UBE2J2: variants seen among roughly 807,000 people sequenced by gnomAD.
UBE2J2 encodes ubiquitin conjugating enzyme E2 J2.
In UBE2J2, 5 loss-of-function variants were observed where a neutral mutation model predicts 28.6. The observed-to-expected ratio is 0.17, with a 90% CI of 0.09 to 0.37. The LOEUF is 0.37. UBE2J2 is among the 10% of genes least tolerant of loss of function. The pLI is 1.00. For missense variants in UBE2J2, 226 were observed against 338.9 expected, an observed-to-expected ratio of 0.67 and a Z score of 2.62; for synonymous variants, 138 against 139.7, an observed-to-expected ratio of 0.99 and a Z score of 0.09.
chr1:1,265,842 C>T (rs938389869), intron 2 of UBE2J2, among the ~76,000 whole-genome samples: 1 of 152,074 alleles, frequency 6.6e-6, no homozygotes, highest in African/African-American at 2.4e-5. Context: ...ACCATGTTGG[C>T]CAGGCTGGTC....
At position 1,273,791 on chromosome 1, in the gene UBE2J2, G is replaced by T; in HGVS notation, c.-126C>A. 6.7e-6 allele frequency: 1 copy of T among 150,254 alleles called. No homozygotes were observed. Among genetic ancestry groups the T allele is most frequent in the South Asian group, 1.9e-4 (1 of 5,400 alleles). 9.3% of individuals were successfully genotyped at this position (150,254 alleles called of 1,614,324 possible). A position where few individuals can be genotyped will look rare whatever the true frequency, so the allele number is the denominator to read the frequency against. ...GCACCGCCCCGGGATTGGGCCCACC[G>T]AACCCGCCGCAGCGCCGCCGCCGCC... On this transcript the variant is annotated 5_prime_UTR_variant, in exon 1 of 7. Transcript: ENST00000349431.
Position 1,268,936 on chromosome 1 carries a change from G to A in UBE2J2, c.1-944C>T, listed in dbSNP as rs191951489. Among the ~76,000 whole-genome samples the A allele has an allele frequency of 1.8e-3, 277 of 152,128 alleles. No homozygotes were observed. The highest frequency in any genetic ancestry group is 6.2e-3 in the African/African-American group (257 of 41,502). On this transcript the variant is annotated intron_variant, in intron 1 of 6. Transcript: ENST00000349431. The surrounding 1 kb of genome is among the most constrained non-coding windows in gnomAD (Gnocchi z 4.7). Reference sequence around the variant, plus strand: ...AACTGATTCTCAGGCCTCAGCCTCCGGAAGTGCTGGAATCACAGGCAGGAG... The same window carrying A: ...AACTGATTCTCAGGCCTCAGCCTCCAGAAGTGCTGGAATCACAGGCAGGAG...
intron 3 of UBE2J2, among the ~76,000 whole-genome samples, chr1:1,262,664 C>T (rs1010207078): frequency 4.2e-4 from 64 of 152,076 alleles, no homozygotes; most frequent in Non-Finnish European, 5.9e-4. Flanking sequence ...TTGTGCTTGC[C>T]GGCGGGACAG....
intron 2 of UBE2J2, among the ~76,000 whole-genome samples, chr1:1,267,245 C>T (rs1639921603): frequency 6.6e-6 from 1 of 152,100 alleles, no homozygotes; most frequent in Non-Finnish European, 1.5e-5. Context: ...AGTGTTTCGA[C>T]AGAGCAGTAT....
chr1:1,262,385 G>A (rs1158774367), intron 3 of UBE2J2: 1 of 453,874 alleles, frequency 2.2e-6, no homozygotes, highest in Non-Finnish European at 4.4e-6. Context: ...TCCAGAACTG[G>A]GATTCCTGGG....
chr1:1,260,049 A>G (rs1639465732), intron 3 of UBE2J2, among the ~76,000 whole-genome samples: 1 of 152,280 alleles, frequency 6.6e-6, no homozygotes, highest in East Asian at 1.9e-4. Flanking sequence ...CTGAAGACAC[A>G]CATGGCCAAG....
chr1:1,268,035 G>C lies in UBE2J2; in HGVS notation c.1-43C>G. On this transcript the variant is annotated intron_variant, in intron 1 of 6. Transcript: ENST00000349431. This position sits in a 1 kb window ranked among gnomAD's most constrained non-coding sequence, Gnocchi z 4.7. ...TACACTGACGACGAGAAGCAGCGCC[G>C]GCCACAGCTCTCTCCCCTGGCGCAG... 1 of 1,606,144 alleles carries C rather than the reference G, an allele frequency of 6.2e-7. No homozygotes were observed. Among genetic ancestry groups the C allele is most frequent in the Non-Finnish European group, 8.5e-7 (1 of 1,174,746 alleles).
rs991886269 is a variant in UBE2J2 at position 1,262,504 on chromosome 1, G to A, written c.172+842C>T. On this transcript the variant is annotated intron_variant, in intron 3 of 6. Coordinates refer to ENST00000349431, the MANE Select transcript of UBE2J2 (RefSeq NM_058167.3). ...ACCCTCCCGACAGTCCAAAGCAGGGGTTGCAAACCTTCTTCTAGCAGCAGC... is the reference window on the plus strand; with the variant it reads ...ACCCTCCCGACAGTCCAAAGCAGGGATTGCAAACCTTCTTCTAGCAGCAGC... 8 of 324,282 alleles carry A rather than the reference G, an allele frequency of 2.5e-5. No homozygotes were observed. In the Admixed American group the frequency reaches 3.5e-4, roughly 14 times the overall value. 20.1% of individuals were successfully genotyped at this position (324,282 alleles called of 1,614,324 possible).
intron 1 of UBE2J2, chr1:1,271,760 AG>A (rs1640153982): frequency 6.6e-6 from 1 of 152,332 alleles, no homozygotes; most frequent in East Asian, 1.9e-4. Context: ...AGATTACCTG[AG>A]ATCGGGGGTT....
At chr1:1,261,850 G>GT (rs896522824) in intron 3 of UBE2J2, among the ~76,000 whole-genome samples, 16 of 150,160 alleles carry the variant, frequency 1.1e-4, no homozygotes, top group Admixed American at 6.6e-5. Flanking sequence ...AGGTTTCACC[G>GT]TATTAGCAAG....
chr1:1,256,061 A>T lies in UBE2J2; in HGVS notation c.479T>A (p.Phe160Tyr). Residue 160 changes from phenylalanine (F) to tyrosine (Y), a missense_variant, in exon 6 of 7, where the codon TTT becomes TAT. This residue lies in a region of UBE2J2 where 133 missense variants were observed against 161.5 expected (regional missense o/e 0.82). Coordinates refer to ENST00000349431, the MANE Select transcript of UBE2J2 (RefSeq NM_058167.3). ...NLKDKVFCEL[F>Y]PEVVEEIKQK... is the part of the protein sequence containing the mutation. ...CTTTCTTACCTCCACGACTTCAGGA[A>T]ATAATTCACAAAAGACTTTATCTTT... 1 of 1,612,920 alleles carries T rather than the reference A, an allele frequency of 6.2e-7. No homozygotes were observed. The highest frequency in any genetic ancestry group is 8.5e-7 in the Non-Finnish European group (1 of 1,178,956).
At chr1:1,269,630 T>A (rs1394571008) in intron 1 of UBE2J2, among the ~76,000 whole-genome samples, 5 of 152,046 alleles carry the variant, frequency 3.3e-5, no homozygotes. Flanking sequence ...CAAGCAAATT[T>A]TTTTTGTATT....
intron 2 of UBE2J2, 130 bp from the exon 3 acceptor site, chr1:1,263,516 G>C: frequency 1.2e-6 from 1 of 825,730 alleles, no homozygotes; most frequent in Non-Finnish European, 2.1e-6. Context: ...ACAAATGAAG[G>C]TGAAATGTCA....
In UBE2J2 at chr1:1,257,503, G is replaced by A. The variant is rs1346507186; in HGVS notation, c.173-193C>T. Among the ~76,000 whole-genome samples the A allele has an allele frequency of 2.7e-5, 4 of 148,300 alleles. No individual in the cohort carries two copies. The South Asian group carries it at 6.6e-4, about 24-fold the overall frequency. On this transcript the variant is annotated intron_variant, in intron 3 of 6. Coordinates refer to ENST00000349431, the MANE Select transcript of UBE2J2 (RefSeq NM_058167.3). ...ACCTTGCTCTCCACTACCACCCACT[G>A]TCATGACCACCCAGACCCAATGCCC...
intron 1 of UBE2J2, 148 bp downstream of exon 1, chr1:1,273,518 G>A (rs1202190804): frequency 1.3e-5 from 2 of 152,166 alleles, no homozygotes; most frequent in East Asian, 1.9e-4. Context: ...CGCGCAGGCA[G>A]GCTCGGGCCG....
At chr1:1,262,379 G>C (rs1189553303) in intron 3 of UBE2J2, 1 of 454,762 alleles carries the variant, frequency 2.2e-6, no homozygotes, top group South Asian at 1.6e-5. Context: ...AGATGATCCA[G>C]AACTGGGATT....
At chr1:1,263,056 C>T in intron 3 of UBE2J2, 1 of 375,888 alleles carries the variant, frequency 2.7e-6, no homozygotes. Context: ...GTAGAACAGG[C>T]CAGCTTCAGT....
chr1:1,267,827 G>A, intron 2 of UBE2J2, 35 bp downstream of exon 2: 1 of 1,604,812 alleles, frequency 6.2e-7, no homozygotes, highest in Non-Finnish European at 8.5e-7. Context: ...GGCAGCGACA[G>A]TCAGCGCAGG....
chr1:1,256,427 C>G (rs1295575719), intron 5 of UBE2J2: 1 of 318,326 alleles, frequency 3.1e-6, no homozygotes, highest in East Asian at 8.1e-5. Context: ...TGGCCCACCC[C>G]AAGATCCCAA....
Sources: allele counts gnomAD v4.1 joint callset (sites outside exome capture counted in the v4.1 genomes callset), GRCh38; gene constraint gnomAD v4.1.1; regional missense constraint gnomAD v4.1.1; non-coding constraint Gnocchi (gnomAD v3.1); transcripts MANE v1.5; gene names NCBI Gene and HGNC (gene_info 2026-07-23, HGNC 2026-07-21).